Variants in THSD7A observed in about 807,000 individuals in gnomAD.
THSD7A encodes the protein thrombospondin type 1 domain containing 7A.
Under a neutral mutation model 231.3 loss-of-function variants are expected in THSD7A, and 96 were observed. The observed-to-expected ratio is 0.41, with a 90% CI of 0.35 to 0.49. The LOEUF is 0.49. THSD7A is among the 20% of genes least tolerant of loss of function. THSD7A has a pLI of 0.05. For synonymous variants in THSD7A, 940 were observed against 743.3 expected (o/e 1.26, Z -4.30); for missense variants, 2,290 against 2,070.2 (o/e 1.11, Z -2.06).
chr7:11,497,014 T>C (rs1319000990), intron 6 of THSD7A, among the ~76,000 whole-genome samples: 2 of 152,040 alleles, frequency 1.3e-5, no homozygotes, highest in African/African-American at 2.4e-5. Context: ...CGAGATGGGG[T>C]AATTTATAAA....
intron 1 of THSD7A, among the ~76,000 whole-genome samples, chr7:11,799,209 C>A (rs1260664737): frequency 1.3e-5 from 2 of 152,164 alleles, no homozygotes; most frequent in Admixed American, 1.3e-4. Context: ...GCATGAGCCA[C>A]CGCGCCCGGC....
chr7:11,713,701 T>G (rs1781039690), intron 1 of THSD7A, among the ~76,000 whole-genome samples: 1 of 151,190 alleles, frequency 6.6e-6, no homozygotes, highest in African/African-American at 2.4e-5. Flanking sequence ...TCATGACAGT[T>G]GGATTGTAGA....
chr7:11,813,836 T>C (rs1288103998), intron 1 of THSD7A, among the ~76,000 whole-genome samples: 1 of 152,028 alleles, frequency 6.6e-6, no homozygotes, highest in Admixed American at 6.6e-5. Context: ...TAAGTATATA[T>C]TCAAGAAATG....
At chr7:11,791,380 T>C (rs62433458) in intron 1 of THSD7A, among the ~76,000 whole-genome samples, 78 of 152,114 alleles carry the variant, frequency 5.1e-4, no homozygotes, top group Non-Finnish European at 1.0e-3. Flanking sequence ...CTGATAAATG[T>C]TATCCTCCCT....
chr7:11,391,583 C>G (rs180994478), intron 23 of THSD7A, among the ~76,000 whole-genome samples: 1 of 152,172 alleles, frequency 6.6e-6, no homozygotes, highest in East Asian at 1.9e-4. Flanking sequence ...GCCTCAGCCC[C>G]CTTTCCAGGG....
chr7:11,762,619 A>T (rs1332254139), intron 1 of THSD7A, among the ~76,000 whole-genome samples: 2 of 152,142 alleles, frequency 1.3e-5, no homozygotes, highest in Non-Finnish European at 2.9e-5. Context: ...TAAGTTCCTT[A>T]TAAGTTCTGG....
At chr7:11,775,671 C>T (rs1425694786) in intron 1 of THSD7A, among the ~76,000 whole-genome samples, 4 of 152,048 alleles carry the variant, frequency 2.6e-5, no homozygotes, top group Admixed American at 2.0e-4. Context: ...ATGATGGTTG[C>T]CAGGGACTGA....
At chr7:11,566,965 T>TAGCGGCGGGGG in intron 4 of THSD7A, among the ~76,000 whole-genome samples, 1 of 92,306 alleles carries the variant, frequency 1.1e-5, no homozygotes, top group African/African-American at 5.6e-5. Context: ...TGTGGGAGAG[T>TAGCGGCGGGGG]GGGGGGGGGA....
intron 1 of THSD7A, among the ~76,000 whole-genome samples, chr7:11,673,105 G>A (rs1443545483): frequency 1.3e-5 from 2 of 152,098 alleles, no homozygotes; most frequent in African/African-American, 4.8e-5. Flanking sequence ...TAATAGTTAG[G>A]TGACACAGAC....
At chr7:11,423,872 T>C (rs1234123152) in intron 16 of THSD7A, among the ~76,000 whole-genome samples, 1 of 152,226 alleles carries the variant, frequency 6.6e-6, no homozygotes, top group African/African-American at 2.4e-5. Flanking sequence ...ATGTGATAGA[T>C]ACTGTATGGA....
At chr7:11,672,999 A>T (rs980320057) in intron 1 of THSD7A, among the ~76,000 whole-genome samples, 1 of 152,202 alleles carries the variant, frequency 6.6e-6, no homozygotes, top group Admixed American at 6.5e-5. Context: ...GGCCAACTAG[A>T]AGCAGCTGGA....
Position 11,632,216 on chromosome 7 carries a change from T to G in THSD7A, c.1022+3914A>C, listed in dbSNP as rs191995491. On this transcript the variant is annotated intron_variant, in intron 2 of 27. Coordinates refer to ENST00000423059, the MANE Select transcript of THSD7A (RefSeq NM_015204.3). This position sits in a 1 kb window ranked among gnomAD's most constrained non-coding sequence, Gnocchi z 4.1. ...TCCCTTATAAATTTCACAGTAACAA[T>G]GTACAGTTGGTATATTTACTAAATA... is the stretch of plus-strand genomic sequence containing the variant. Among the ~76,000 whole-genome samples the G allele has an allele frequency of 3.9e-5, 6 of 152,278 alleles. No homozygotes were observed. Among genetic ancestry groups the G allele is most frequent in the Admixed American group, 2.0e-4 (3 of 15,282 alleles).
At chr7:11,691,819 G>C (rs1412964278) in intron 1 of THSD7A, among the ~76,000 whole-genome samples, 3 of 151,186 alleles carry the variant, frequency 2.0e-5, no homozygotes, top group Non-Finnish European at 3.0e-5. Flanking sequence ...TATTGAAATA[G>C]AAAAATTTAT....
chr7:11,475,496 G>C (rs914844507), intron 7 of THSD7A, among the ~76,000 whole-genome samples: 15 of 151,420 alleles, frequency 9.9e-5, no homozygotes, highest in African/African-American at 3.6e-4. Context: ...CTCTTTTCAA[G>C]GTCAATAGTG....
intron 6 of THSD7A, among the ~76,000 whole-genome samples, chr7:11,494,032 C>G (rs890870144): frequency 1.3e-5 from 2 of 151,918 alleles, no homozygotes; most frequent in Non-Finnish European, 2.9e-5. Flanking sequence ...AAAGCAGGTA[C>G]AGATAAACGT....
At chr7:11,379,786 T>C (rs1782437989) in intron 24 of THSD7A, 74 bp from the exon 25 acceptor site, 1 of 1,449,256 alleles carries the variant, frequency 6.9e-7, no homozygotes, top group Non-Finnish European at 9.5e-7. Context: ...GTTAGTGACT[T>C]GTCTTTGAAT....
intron 6 of THSD7A, among the ~76,000 whole-genome samples, chr7:11,536,737 C>T (rs1788931576): frequency 6.6e-6 from 1 of 152,072 alleles, no homozygotes; most frequent in Admixed American, 6.5e-5. Flanking sequence ...CATCTTCATC[C>T]TTGACCTGGC....
intron 6 of THSD7A, among the ~76,000 whole-genome samples, chr7:11,527,616 T>A (rs116371392): frequency 0.012 from 1,811 of 149,496 alleles, 35 homozygotes; most frequent in African/African-American, 0.041. Context: ...CCACGTTAGA[T>A]CCTTCCTTTA....
intron 6 of THSD7A, among the ~76,000 whole-genome samples, chr7:11,508,856 T>C (rs1220692836): frequency 6.6e-6 from 1 of 152,228 alleles, no homozygotes; most frequent in African/African-American, 2.4e-5. Flanking sequence ...ATATGAATAC[T>C]GCACGATTCC....
Sources: allele counts gnomAD v4.1 joint callset (sites outside exome capture counted in the v4.1 genomes callset), GRCh38; gene constraint gnomAD v4.1.1; non-coding constraint Gnocchi (gnomAD v3.1); transcripts MANE v1.5; gene names NCBI Gene and HGNC (gene_info 2026-07-23, HGNC 2026-07-21).